MSI2: variants seen among roughly 807,000 people sequenced by gnomAD.
MSI2 encodes musashi RNA binding protein 2.
Under a neutral mutation model 45.6 loss-of-function variants are expected in MSI2, and 17 were observed. The observed-to-expected ratio is 0.37, with a 90% confidence interval of 0.26 to 0.56. The LOEUF (loss-of-function observed/expected upper bound fraction) is 0.56. Ranked by LOEUF, MSI2 falls within the 20% of genes least tolerant of loss-of-function variation. The probability of loss-of-function intolerance (pLI) is 0.77; values close to 1 mark genes in which losing one functional copy is unlikely to be tolerated. For missense variants in MSI2, 293 were observed against 444.2 expected, an observed-to-expected ratio of 0.66 and a Z score of 3.06; for synonymous variants, 156 against 158.2, an observed-to-expected ratio of 0.99 and a Z score of 0.11.
intron 6 of MSI2, among the ~76,000 whole-genome samples, chr17:57,430,918 C>T (rs2084583253): frequency 1.3e-5 from 2 of 152,228 alleles, no homozygotes; most frequent in African/African-American, 4.8e-5. Context: ...TCCTGCCCGC[C>T]TCTTCTTCCT....
chr17:57,266,517 A>G (rs35005836), intron 5 of MSI2: 18,708 of 152,108 alleles, frequency 0.12, 1,385 homozygotes, highest in South Asian at 0.3. Flanking sequence ...ACCTGCCATC[A>G]TGCCTGGCTA....
At chr17:57,457,785 G>A (rs76528405) in intron 6 of MSI2, among the ~76,000 whole-genome samples, 18 of 151,984 alleles carry the variant, frequency 1.2e-4, no homozygotes, top group South Asian at 8.3e-4. Flanking sequence ...ACTGTATGCC[G>A]GTAGTCTTAG....
At position 57,631,922 on chromosome 17, in the gene MSI2, A is replaced by G. The variant is rs564698375; in HGVS notation, c.727+4619A>G. ...GCCTGGGCTGCCCCCGCTCCAGTCAATGCTCACTGAAAGTCTGTCTTAGCT... is the reference window on the plus strand; with the variant it reads ...GCCTGGGCTGCCCCCGCTCCAGTCAGTGCTCACTGAAAGTCTGTCTTAGCT... On this transcript the variant is annotated intron_variant, in intron 10 of 13. Transcript: ENST00000284073. 3.2e-5 allele frequency: 50 copies of G among 1,553,306 alleles called. No individual in the cohort carries two copies. The Middle Eastern group carries it at 1.7e-3, about 52-fold the overall frequency.
At chr17:57,613,085 A>T (rs1309213703) in intron 8 of MSI2, among the ~76,000 whole-genome samples, 3 of 152,204 alleles carry the variant, frequency 2.0e-5, no homozygotes, top group African/African-American at 7.2e-5. Context: ...CCCTACCTGC[A>T]ATGACAATAT....
chr17:57,655,077 G>T (rs558688808), intron 11 of MSI2, among the ~76,000 whole-genome samples: 5 of 151,908 alleles, frequency 3.3e-5, no homozygotes, highest in African/African-American at 9.7e-5. Context: ...GTCTGGGGGG[G>T]CCTTGAGGTC....
intron 5 of MSI2, among the ~76,000 whole-genome samples, chr17:57,368,251 A>T (rs2143942523): frequency 6.6e-6 from 1 of 152,296 alleles, no homozygotes; most frequent in East Asian, 1.9e-4. Context: ...TTCTGTGTTT[A>T]AAAATGTCTC....
chr17:57,479,632 A>G (rs1043626565), intron 6 of MSI2, among the ~76,000 whole-genome samples: 6 of 152,216 alleles, frequency 3.9e-5, no homozygotes, highest in Non-Finnish European at 8.8e-5. Context: ...TCTCAAGTAA[A>G]GCAAAGCAGC....
chr17:57,340,036 T>C (rs1915000618), intron 5 of MSI2, among the ~76,000 whole-genome samples: 2 of 152,156 alleles, frequency 1.3e-5, no homozygotes. Context: ...TGGGCTCAAG[T>C]GTGGGTTCCA....
intron 7 of MSI2, among the ~76,000 whole-genome samples, chr17:57,583,341 A>G (rs992257293): frequency 6.6e-6 from 1 of 152,214 alleles, no homozygotes; most frequent in African/African-American, 2.4e-5. Context: ...TTAGTGGCTT[A>G]TAAGGACAAG....
chr17:57,594,625 G>A (rs947561194), intron 7 of MSI2, among the ~76,000 whole-genome samples: 6 of 152,188 alleles, frequency 3.9e-5, no homozygotes, highest in South Asian at 4.1e-4. Context: ...CCCAAAGAGA[G>A]GGAATAGGAT....
chr17:57,362,776 T>G (rs1481246816), intron 5 of MSI2, among the ~76,000 whole-genome samples: 1 of 152,210 alleles, frequency 6.6e-6, no homozygotes, highest in Admixed American at 6.5e-5. Flanking sequence ...GTGCTTGTCT[T>G]TGTATAATGC....
At chr17:57,297,697 T>C (rs1233556931) in intron 5 of MSI2, among the ~76,000 whole-genome samples, 1 of 152,250 alleles carries the variant, frequency 6.6e-6, no homozygotes, top group Non-Finnish European at 1.5e-5. Context: ...GTAGAACTTC[T>C]TTCAAGATTG....
chr17:57,353,633 A>G (rs1916206258), intron 5 of MSI2, among the ~76,000 whole-genome samples: 1 of 152,230 alleles, frequency 6.6e-6, no homozygotes, highest in Non-Finnish European at 1.5e-5. Flanking sequence ...GAGTCAAAGT[A>G]TCTATTTCCT....
intron 6 of MSI2, among the ~76,000 whole-genome samples, chr17:57,499,394 G>A (rs908688313): frequency 8.9e-5 from 8 of 90,176 alleles, no homozygotes; most frequent in East Asian, 3.2e-4. Flanking sequence ...AAAAAAAAAA[G>A]GGCAGCTAAG....
chr17:57,478,082 G>GCT, intron 6 of MSI2, among the ~76,000 whole-genome samples: 1 of 152,214 alleles, frequency 6.6e-6, no homozygotes, highest in Non-Finnish European at 1.5e-5. Context: ...ACCCAGAGAA[G>GCT]CTCTCGGGTC....
At position 57,679,573 on chromosome 17, in the gene MSI2, A is replaced by T; in HGVS notation, c.*56A>T. 2 of 1,059,924 alleles carry T rather than the reference A, an allele frequency of 1.9e-6. No individual in the cohort carries two copies. The highest frequency in any genetic ancestry group is 2.3e-6 in the Non-Finnish European group (2 of 875,644). 65.7% of individuals were successfully genotyped at this position (1,059,924 alleles called of 1,614,324 possible). On this transcript the variant is annotated 3_prime_UTR_variant, in exon 14 of 14. Coordinates refer to ENST00000284073, the MANE Select transcript of MSI2 (RefSeq NM_138962.4). ...GAGCATACCTGGATGTCCAGGCAAG[A>T]CTGGGCGAAGTTTCTGAGTGGCCCT... is the stretch of plus-strand genomic sequence containing the variant.
At position 57,672,731 on chromosome 17, in the gene MSI2, A is replaced by G. The variant is rs937917979; in HGVS notation, c.791-2241A>G. Among the ~76,000 whole-genome samples, 5 of 152,258 alleles carry G rather than the reference A, an allele frequency of 3.3e-5. 1 individual carries two copies. Among genetic ancestry groups the G allele is most frequent in the Admixed American group, 3.3e-4 (5 of 15,286 alleles). Reference sequence around the variant, plus strand: ...GTTTATTTGTATAGGGAGGGGTTTCAGCTGCCTGGACAAAACCAGGAGTCC... The same window carrying G: ...GTTTATTTGTATAGGGAGGGGTTTCGGCTGCCTGGACAAAACCAGGAGTCC... On this transcript the variant is annotated intron_variant, in intron 11 of 13. Coordinates refer to ENST00000284073, the MANE Select transcript of MSI2 (RefSeq NM_138962.4).
At chr17:57,588,540 T>C (rs1308482926) in intron 7 of MSI2, among the ~76,000 whole-genome samples, 1 of 152,334 alleles carries the variant, frequency 6.6e-6, no homozygotes, top group South Asian at 2.1e-4. Context: ...GGAGATACTC[T>C]AGCTGTTTTT....
Position 57,612,133 on chromosome 17 carries a change from T to C in MSI2, c.538-3837T>C, listed in dbSNP as rs1189004305. On this transcript the variant is annotated intron_variant, in intron 8 of 13. Transcript: ENST00000284073. ...AGGACAGCAGGGGAAGGTGACCCGA[T>C]GTGGGCTAACTCAAGACGCTCGAGA... Among the ~76,000 whole-genome samples the C allele has an allele frequency of 6.3e-5, 6 of 95,068 alleles. 3 individuals are homozygous for C. The highest frequency in any genetic ancestry group is 2.0e-4 in the African/African-American group (6 of 30,526). The allele number at this position is 95,068 out of a possible 152,430, so 62.4% of individuals were successfully genotyped here.
Sources: gnomAD v4.1 joint callset for allele counts (sites outside exome capture counted in the v4.1 genomes callset) on GRCh38, gnomAD v4.1.1 for gene constraint, MANE v1.5 for transcripts, NCBI Gene and HGNC (gene_info 2026-07-23, HGNC 2026-07-21) for gene names.